GMDS: variants seen among roughly 807,000 people sequenced by gnomAD.
GMDS encodes GDP-mannose 4,6 dehydratase.
A neutral mutation model predicts 49.9 loss-of-function variants in GMDS; 20 were observed. The observed-to-expected ratio is 0.40, with a 90% CI of 0.28 to 0.58. GMDS has a LOEUF of 0.58. Among genes scored for constraint, GMDS ranks in the 20% least tolerant of loss-of-function variants. The pLI is 0.42. For synonymous variants in GMDS, 177 were observed against 178.6 expected (o/e 0.99, Z 0.07); for missense variants, 362 against 481.4 (o/e 0.75, Z 2.32).
chr6:2,078,185 G>C (rs531325038), intron 4 of GMDS, among the ~76,000 whole-genome samples: 9 of 151,998 alleles, frequency 5.9e-5, no homozygotes, highest in Non-Finnish European at 1.2e-4. Flanking sequence ...AGTCAAGCTA[G>C]TGATTTATCA....
At chr6:2,031,725 C>T (rs1768976659) in intron 4 of GMDS, among the ~76,000 whole-genome samples, 1 of 152,184 alleles carries the variant, frequency 6.6e-6, no homozygotes, top group South Asian at 2.1e-4. Context: ...TGAAACTGAA[C>T]TGCCCCAGAG....
chr6:2,079,971 T>C (rs1312803989), intron 4 of GMDS, among the ~76,000 whole-genome samples: 1 of 152,208 alleles, frequency 6.6e-6, no homozygotes, highest in Admixed American at 6.5e-5. Context: ...TAGTATCCCA[T>C]ATGTCTCGAA....
intron 7 of GMDS, among the ~76,000 whole-genome samples, chr6:1,745,330 GTC>G (rs1767443569): frequency 2.7e-5 from 4 of 149,292 alleles, no homozygotes; most frequent in Admixed American, 2.0e-4. Context: ...CTACTGGTGG[GTC>G]ACTTGGAGAA....
intron 7 of GMDS, among the ~76,000 whole-genome samples, chr6:1,821,767 T>C (rs1016545653): frequency 1.3e-4 from 20 of 152,072 alleles, no homozygotes; most frequent in Admixed American, 5.2e-4. Flanking sequence ...AGTTTGAAAT[T>C]TGAAAGAAGA....
At chr6:1,680,183 G>C (rs1422099161) in intron 9 of GMDS, among the ~76,000 whole-genome samples, 1 of 152,182 alleles carries the variant, frequency 6.6e-6, no homozygotes, top group Non-Finnish European at 1.5e-5. Flanking sequence ...TAGGCATCCA[G>C]ATATTCAAAG....
chr6:1,698,693 C>T (rs1249779483), intron 9 of GMDS, among the ~76,000 whole-genome samples: 1 of 151,998 alleles, frequency 6.6e-6, no homozygotes, highest in Non-Finnish European at 1.5e-5. Context: ...GGCATGGGGG[C>T]CATCCGGCCC....
chr6:1,627,898 C>G (rs1306091666), intron 9 of GMDS, among the ~76,000 whole-genome samples: 5 of 152,222 alleles, frequency 3.3e-5, no homozygotes, highest in Non-Finnish European at 7.3e-5. Flanking sequence ...CTTAGGTGAA[C>G]TATACGGTTT....
chr6:1,857,843 TTC>T (rs752571470), intron 7 of GMDS, among the ~76,000 whole-genome samples: 2 of 152,200 alleles, frequency 1.3e-5, no homozygotes, highest in Non-Finnish European at 2.9e-5. Flanking sequence ...GGAACTGCAT[TTC>T]TGTGATTATG....
At chr6:1,802,865 A>G (rs528973887) in intron 7 of GMDS, among the ~76,000 whole-genome samples, 5 of 152,178 alleles carry the variant, frequency 3.3e-5, no homozygotes, top group Non-Finnish European at 7.3e-5. Context: ...GCCTGTTTCA[A>G]TTACGACTTT....
intron 4 of GMDS, among the ~76,000 whole-genome samples, chr6:2,003,824 T>C (rs1561965630): frequency 6.6e-6 from 1 of 152,198 alleles, no homozygotes; most frequent in East Asian, 1.9e-4. Flanking sequence ...ATTAAGTTAC[T>C]ACTGCACCAA....
chr6:1,832,793 G>A (rs1202922173), intron 7 of GMDS, among the ~76,000 whole-genome samples: 2 of 152,186 alleles, frequency 1.3e-5, no homozygotes, highest in East Asian at 1.9e-4. Flanking sequence ...AGGCAAAAGC[G>A]AACTTTTCAT....
chr6:1,819,385 A>G (rs1314618573), intron 7 of GMDS, among the ~76,000 whole-genome samples: 3 of 152,212 alleles, frequency 2.0e-5, no homozygotes, highest in African/African-American at 7.2e-5. Flanking sequence ...TGTGAAAAGC[A>G]CTGAGTTGTA....
intron 7 of GMDS, among the ~76,000 whole-genome samples, chr6:1,810,614 G>C (rs967316189): frequency 7.9e-5 from 12 of 152,062 alleles, no homozygotes; most frequent in African/African-American, 2.4e-4. Flanking sequence ...GGGGGAGCAG[G>C]GTATGTGAAA....
chr6:2,147,709 G>T (rs747225722), intron 1 of GMDS, among the ~76,000 whole-genome samples: 50 of 151,090 alleles, frequency 3.3e-4, no homozygotes, highest in Non-Finnish European at 6.0e-4. Context: ...TTCTCACAGG[G>T]ATTCATTTCT....
At chr6:2,002,442 C>A (rs1766882941) in intron 4 of GMDS, among the ~76,000 whole-genome samples, 1 of 152,280 alleles carries the variant, frequency 6.6e-6, no homozygotes, top group East Asian at 1.9e-4. Flanking sequence ...TTTTCATAAT[C>A]CTTTCTTACC....
At chr6:1,855,381 A>AG (rs762032429) in intron 7 of GMDS, among the ~76,000 whole-genome samples, 31 of 152,216 alleles carry the variant, frequency 2.0e-4, no homozygotes, top group Admixed American at 4.6e-4. Flanking sequence ...CATTGAAGGG[A>AG]GGGCCTACTT....
At chr6:1,680,442 T>C (rs988315578) in intron 9 of GMDS, among the ~76,000 whole-genome samples, 2 of 152,078 alleles carry the variant, frequency 1.3e-5, no homozygotes, top group Admixed American at 1.3e-4. Flanking sequence ...TTTGCCAACA[T>C]TGCTAGTTCT....
chr6:2,161,425 C>T (rs1266631063), intron 1 of GMDS, among the ~76,000 whole-genome samples: 1 of 152,170 alleles, frequency 6.6e-6, no homozygotes, highest in Non-Finnish European at 1.5e-5. Context: ...ACCACAGGTG[C>T]TTTCAGTGCA....
At chr6:1,874,709 C>A (rs1013118541) in intron 7 of GMDS, among the ~76,000 whole-genome samples, 3 of 152,068 alleles carry the variant, frequency 2.0e-5, no homozygotes, top group African/African-American at 7.2e-5. Context: ...TAATATACAT[C>A]AGCACAAGTC....
Sources: allele counts gnomAD v4.1 joint callset (sites outside exome capture counted in the v4.1 genomes callset), GRCh38; gene constraint gnomAD v4.1.1; transcripts MANE v1.5; gene names NCBI Gene and HGNC (gene_info 2026-07-23, HGNC 2026-07-21).